The following ZSWIM2 variants were observed in gnomAD, a reference collection of about 807,000 sequenced individuals.
The protein encoded by ZSWIM2 is E3 ubiquitin-protein ligase ZSWIM2.
A neutral mutation model predicts 48.4 loss-of-function variants in ZSWIM2; 38 were observed. That is an observed-to-expected ratio of 0.79 (90% CI 0.61 to 1.03). The LOEUF is 1.03. Among genes scored for constraint, ZSWIM2 ranks in the 50% least tolerant of loss-of-function variants. ZSWIM2 has a pLI of 0.00. For missense variants in ZSWIM2, 776 were observed against 730.2 expected, an observed-to-expected ratio of 1.06 and a Z score of -0.72; for synonymous variants, 240 against 251.3, an observed-to-expected ratio of 0.96 and a Z score of 0.42.
chr2:186,838,226 A>C (rs1445050819), intron 4 of ZSWIM2, among the ~76,000 whole-genome samples: 1 of 151,244 alleles, frequency 6.6e-6, no homozygotes, highest in African/African-American at 2.4e-5. Context: ...AAGTATAATA[A>C]AAAAATTAAA....
At chr2:186,846,816 T>C (rs1020042551) in intron 2 of ZSWIM2, among the ~76,000 whole-genome samples, 231 of 150,706 alleles carry the variant, frequency 1.5e-3, no homozygotes, top group African/African-American at 5.4e-3. Context: ...CACACATATA[T>C]ATATATATAT....
At chr2:186,839,849 A>G (rs1452136281) in intron 3 of ZSWIM2, among the ~76,000 whole-genome samples, 1 of 151,610 alleles carries the variant, frequency 6.6e-6, no homozygotes, top group Non-Finnish European at 1.5e-5. Context: ...AGTATTGATC[A>G]GGGAATCCTA....
chr2:186,827,944 TTA>T lies in ZSWIM2; in HGVS notation c.*38_*39del. Reference sequence around the variant, plus strand: ...TTTATGTTCTATATAAAACATTTTTTTATATTCAACATTCAAATATTTTCAGA... The same window carrying T: ...TTTATGTTCTATATAAAACATTTTTTTATTCAACATTCAAATATTTTCAGA... On this transcript the variant is annotated 3_prime_UTR_variant, in exon 9 of 9. Coordinates refer to ENST00000295131, the MANE Select transcript of ZSWIM2 (RefSeq NM_182521.3). 1 of 1,441,076 alleles carries T rather than the reference TTA, an allele frequency of 6.9e-7. No homozygotes were observed. The highest frequency in any genetic ancestry group is 9.3e-7 in the Non-Finnish European group (1 of 1,080,898). The allele number at this position is 1,441,076 out of a possible 1,614,324, so 89.3% of individuals were successfully genotyped here.
At position 186,828,673 on chromosome 2, in the gene ZSWIM2, G is replaced by GTGCT; in HGVS notation, c.1209_1212dup (p.His405SerfsTer34). 1 of 1,613,056 alleles carries GTGCT rather than the reference G, an allele frequency of 6.2e-7. No homozygotes were observed. The highest frequency in any genetic ancestry group is 8.5e-7 in the Non-Finnish European group (1 of 1,179,612). On this transcript the variant is annotated frameshift_variant, in exon 9 of 9. Transcript: ENST00000295131. LOFTEE classifies it low-confidence loss of function (END_TRUNC). ...ATGTCTCTGTTTGAAACAGACTGATGTGCTTGTCCATTCACTGCTGAATTT... is the reference window on the plus strand; with the variant it reads ...ATGTCTCTGTTTGAAACAGACTGATGTGCTTGCTTGTCCATTCACTGCTGAATTT...
intron 3 of ZSWIM2, among the ~76,000 whole-genome samples, chr2:186,840,377 G>A (rs1346639911): frequency 6.6e-6 from 1 of 151,596 alleles, no homozygotes; most frequent in Non-Finnish European, 1.5e-5. Flanking sequence ...ATAAAAGGAA[G>A]AAACAAACTC....
chr2:186,848,924 C>A (rs983224582), intron 1 of ZSWIM2, 42 bp downstream of exon 1: 5 of 1,609,922 alleles, frequency 3.1e-6, no homozygotes, highest in Non-Finnish European at 4.2e-6. Context: ...ACCTGGTGGG[C>A]GGGGATGATG....
At chr2:186,842,972 A>C (rs1691931878) in intron 3 of ZSWIM2, among the ~76,000 whole-genome samples, 1 of 150,006 alleles carries the variant, frequency 6.7e-6, no homozygotes, top group Non-Finnish European at 1.5e-5. Context: ...TAAGTATAAC[A>C]AACATGCTAG....
At chr2:186,846,282 A>T (rs1380753149) in intron 2 of ZSWIM2, among the ~76,000 whole-genome samples, 1 of 151,950 alleles carries the variant, frequency 6.6e-6, no homozygotes, top group East Asian at 1.9e-4. Flanking sequence ...AAACAACTCA[A>T]CAGGAAAAAA....
intron 2 of ZSWIM2, among the ~76,000 whole-genome samples, chr2:186,845,096 C>T (rs72895315): frequency 6.6e-5 from 10 of 151,478 alleles, no homozygotes; most frequent in Non-Finnish European, 1.5e-4. Flanking sequence ...TTAAACTTCT[C>T]TGGAAAGGCA....
chr2:186,833,821 G>T, intron 6 of ZSWIM2, 125 bp downstream of exon 6: 2 of 671,150 alleles, frequency 3.0e-6, no homozygotes, highest in East Asian at 2.9e-5. Flanking sequence ...TATGGCTTTA[G>T]GTTTGTATTA....
chr2:186,846,203 G>A (rs1691997330), intron 2 of ZSWIM2, among the ~76,000 whole-genome samples: 1 of 151,856 alleles, frequency 6.6e-6, no homozygotes, highest in East Asian at 1.9e-4. Flanking sequence ...ACAACCTAAA[G>A]AATGTTAAGA....
At position 186,833,973 on chromosome 2, in the gene ZSWIM2, A is replaced by G. The variant is rs1483488071; in HGVS notation, c.801T>C (p.His267=). ...CACGAAATGTAAACGTGTGGGAAAG[A>G]TGGCAGCAGCTATCAAAACATTCCT... is the stretch of plus-strand genomic sequence containing the variant. The part of the protein sequence containing the change: ...LCQECFDSCC[H]LSHTFTFREK... Residue 267 remains histidine (H), a synonymous_variant, in exon 6 of 9, where the codon CAT becomes CAC. Coordinates refer to ENST00000295131, the MANE Select transcript of ZSWIM2 (RefSeq NM_182521.3). The G allele has an allele frequency of 3.7e-6, 6 of 1,613,322 alleles. No individual in the cohort carries two copies. The South Asian group carries it at 6.6e-5, about 18-fold the overall frequency.
chr2:186,836,886 C>G (rs917653452), intron 5 of ZSWIM2, among the ~76,000 whole-genome samples: 2 of 152,040 alleles, frequency 1.3e-5, no homozygotes, highest in African/African-American at 2.4e-5. Context: ...TTCAGTCAAT[C>G]CAGTCAATGT....
intron 7 of ZSWIM2, among the ~76,000 whole-genome samples, 178 bp from the exon 8 acceptor site, chr2:186,830,058 G>T (rs1227527662): frequency 6.6e-6 from 1 of 152,068 alleles, no homozygotes; most frequent in Non-Finnish European, 1.5e-5. Flanking sequence ...TATTGATCCT[G>T]AACAATATGG....
In ZSWIM2 at chr2:186,828,298, T is replaced by C; in HGVS notation, c.1588A>G (p.Ser530Gly). The C allele has an allele frequency of 6.2e-7, 1 of 1,613,702 alleles. No individual in the cohort carries two copies. Among genetic ancestry groups the C allele is most frequent in the Non-Finnish European group, 8.5e-7 (1 of 1,179,820 alleles). ...KNIVCPTAME[S>G]PCISGKFHTS... ...TGAAATTTTCCACTGATGCATGGAC[T>C]TTCCATTGCAGTGGGACACACAATA... Residue 530 changes from serine to glycine, a missense_variant, in exon 9 of 9, where the codon AGT (serine) becomes GGT (glycine). Physicochemically the swap from Ser to Gly is moderately conservative, Grantham distance 56. Coordinates refer to ENST00000295131, the MANE Select transcript of ZSWIM2 (RefSeq NM_182521.3).
rs1229514655 is a variant in ZSWIM2 at position 186,839,116 on chromosome 2, T to A, written c.337A>T (p.Ile113Leu). 2.5e-6 allele frequency: 4 copies of A among 1,611,524 alleles called. No individual in the cohort carries two copies. Among genetic ancestry groups the A allele is most frequent in the Non-Finnish European group, 2.5e-6 (3 of 1,178,316 alleles). The change falls in exon 4 of 9, where the codon ATA becomes TTA. Residue 113 changes from isoleucine (I) to leucine (L), a missense_variant. Coordinates refer to ENST00000295131, the MANE Select transcript of ZSWIM2 (RefSeq NM_182521.3). ...GGTTGGGGAGTTTGAACTCGATGTA[T>A]CCCCCGAAGCAAGTCACTTATCTCT... ...EREISDLLRG[I>L]HRVQTPQPGT...
At chr2:186,845,510 T>C (rs1049430399) in intron 2 of ZSWIM2, among the ~76,000 whole-genome samples, 10 of 151,366 alleles carry the variant, frequency 6.6e-5, no homozygotes. Flanking sequence ...TAAAAAGTGA[T>C]CGAAATAAAA....
At position 186,828,295 on chromosome 2, in the gene ZSWIM2, G is replaced by GA. The variant is rs1691634592; in HGVS notation, c.1590dup (p.Pro531SerfsTer10). The GA allele has an allele frequency of 6.2e-7, 1 of 1,613,566 alleles. No individual in the cohort carries two copies. The highest frequency in any genetic ancestry group is 1.7e-5 in the Admixed American group (1 of 59,918). ...GTGTGAAATTTTCCACTGATGCATG[G>GA]ACTTTCCATTGCAGTGGGACACACA... On this transcript the variant is annotated frameshift_variant, in exon 9 of 9. Coordinates refer to ENST00000295131, the MANE Select transcript of ZSWIM2 (RefSeq NM_182521.3). LOFTEE classifies it low-confidence loss of function (END_TRUNC).
In ZSWIM2 at chr2:186,829,774, C is replaced by T; in HGVS notation, c.1048G>A (p.Ala350Thr). The T allele has an allele frequency of 6.2e-7, 1 of 1,613,282 alleles. No homozygotes were observed. Among genetic ancestry groups the T allele is most frequent in the Non-Finnish European group, 8.5e-7 (1 of 1,179,610 alleles). Residue 350 changes from alanine (A) to threonine (T), a missense_variant, in exon 8 of 9, where the codon GCA becomes ACA. Transcript: ENST00000295131. The part of the protein sequence containing the change: ...PGYQCLLCLK[A>T]FHLGQHTRLL... ...CTTGTATGTTGACCAAGATGAAATG[C>T]CTTCAAACAAAGTAGACACTGGTAG...
Sources: allele counts gnomAD v4.1 joint callset (sites outside exome capture counted in the v4.1 genomes callset), GRCh38; gene constraint gnomAD v4.1.1; transcripts MANE v1.5; gene names NCBI Gene and HGNC (gene_info 2026-07-23, HGNC 2026-07-21).